ETFBKMT: variants seen among roughly 807,000 people sequenced by gnomAD.
The protein encoded by ETFBKMT is electron transfer flavoprotein subunit beta lysine methyltransferase, also known as electron transfer flavoprotein beta subunit lysine methyltransferase.
ETFBKMT carries 13 observed loss-of-function variants against 18.3 expected under a neutral mutation model. The observed-to-expected ratio is 0.71, with a 90% confidence interval of 0.46 to 1.13. The LOEUF (loss-of-function observed/expected upper bound fraction) is 1.13. ETFBKMT is among the 50% of genes most tolerant of loss of function. ETFBKMT has a pLI of 0.00. For missense variants in ETFBKMT, 293 were observed against 306.2 expected (o/e 0.96, Z 0.32); for synonymous variants, 84 against 107.9 (o/e 0.78, Z 1.37).
Position 31,666,099 on chromosome 12 carries a change from T to C in ETFBKMT, c.327T>C (p.Asp109=). Residue 109 remains aspartate, a synonymous_variant, in exon 3 of 4, where the codon GAT becomes GAC. Coordinates refer to ENST00000357721, the MANE Select transcript of ETFBKMT (RefSeq NM_001135863.2). ...CTTTTTAATTTAGGTATCTTTTGGA[T>C]AATCCTGATGTTGTCAGAGGAAAAT... ...GGQALSRYLL[D]NPDVVRGKSV... 6.2e-7 allele frequency: 1 copy of C among 1,612,050 alleles called. No individual in the cohort carries two copies. Among genetic ancestry groups the C allele is most frequent in the Non-Finnish European group, 8.5e-7 (1 of 1,179,250 alleles).
At chr12:31,651,307 C>CT (rs71062448) in intron 1 of ETFBKMT, among the ~76,000 whole-genome samples, 93,479 of 144,576 alleles carry the variant, frequency 0.65, 31,730 homozygotes, top group Non-Finnish European at 0.77. Context: ...GATGCCTTCC[C>CT]TTTTTTTTTT....
rs1373560793 is a variant in ETFBKMT, at chr12:31,671,916, T to G, written c.*3926T>G. The G allele has an allele frequency of 6.4e-6, 1 of 156,756 alleles. No homozygotes were observed. Among genetic ancestry groups the G allele is most frequent in the Non-Finnish European group, 1.4e-5 (1 of 71,070 alleles). The allele number at this position is 156,756 out of a possible 1,614,324, so 9.7% of individuals were successfully genotyped here. A position where few individuals can be genotyped will look rare whatever the true frequency, so the allele number is the denominator to read the frequency against. On this transcript the variant is annotated 3_prime_UTR_variant, in exon 4 of 4. Transcript: ENST00000357721. ...TTTAGAAATATGTTTACTTAGATTC[T>G]CCCAAGGTTTATACTTACAGGTAAA...
Position 31,670,164 on chromosome 12 carries a change from T to A in ETFBKMT, c.*2174T>A, listed in dbSNP as rs1371382804. On this transcript the variant is annotated 3_prime_UTR_variant, in exon 4 of 4. Transcript: ENST00000357721. ...ACTGTGCCAGGCTGGAGCTTTTGAT[T>A]CTTAAGTCCATCCACATGGAGCCTC... is the stretch of plus-strand genomic sequence containing the variant. 1.3e-5 allele frequency: 2 copies of A among 152,222 alleles called. No individual in the cohort carries two copies. The highest frequency in any genetic ancestry group is 2.9e-5 in the Non-Finnish European group (2 of 68,088). The allele number at this position is 152,222 out of a possible 1,614,324, so 9.4% of individuals were successfully genotyped here.
chr12:31,656,390 G>A (rs1269417313), upstream of ETFBKMT, among the ~76,000 whole-genome samples: 1 of 152,258 alleles, frequency 6.6e-6, no homozygotes, highest in Middle Eastern at 3.4e-3. Flanking sequence ...CAGCAGAGAG[G>A]GGAGAAGAGG....
chr12:31,672,476 T>C lies in ETFBKMT; in HGVS notation c.*4486T>C. ...GGTGATGTTAATTATTATACAGTTA[T>C]TTAAAGGATTAAAGGAGGTGATCTA... On this transcript the variant is annotated 3_prime_UTR_variant, in exon 4 of 4. Coordinates refer to ENST00000357721, the MANE Select transcript of ETFBKMT (RefSeq NM_001135863.2). The C allele has an allele frequency of 1.2e-6, 1 of 856,902 alleles. No homozygotes were observed. Among genetic ancestry groups the C allele is most frequent in the South Asian group, 1.5e-5 (1 of 68,092 alleles). The allele number at this position is 856,902 out of a possible 1,614,324, so 53.1% of individuals were successfully genotyped here. A position where few individuals can be genotyped will look rare whatever the true frequency, so the allele number is the denominator to read the frequency against.
chr12:31,666,858 C>T (rs142951421), intron 3 of ETFBKMT, among the ~76,000 whole-genome samples: 2,736 of 151,564 alleles, frequency 0.018, 73 homozygotes, highest in African/African-American at 0.062. Flanking sequence ...GGGGTTTCAC[C>T]GTGTTATTCA....
chr12:31,662,239 T>C lies in ETFBKMT; in HGVS notation c.286T>C (p.Tyr96His), dbSNP rs776402737. The change falls in exon 2 of 4, where the codon TAC (tyrosine) becomes CAC (histidine). Residue 96 changes from tyrosine (Y) to histidine (H), a missense_variant. Physicochemically the swap from Tyr to His is moderately conservative, Grantham distance 83. Transcript: ENST00000357721. ...WPHSDPYWAI[Y>H]WPGGQALSRY... is the part of the protein sequence containing the mutation. ...CCACAGTGATCCTTACTGGGCAATC[T>C]ACTGGCCAGGAGGCCAAGCCCTGTC... The C allele has an allele frequency of 3.7e-6, 6 of 1,614,096 alleles. No homozygotes were observed. The highest frequency in any genetic ancestry group is 2.5e-6 in the Non-Finnish European group (3 of 1,180,044).
At chr12:31,648,654 C>T (rs1186557454) in intron 1 of ETFBKMT, among the ~76,000 whole-genome samples, 3 of 151,424 alleles carry the variant, frequency 2.0e-5, no homozygotes, top group Non-Finnish European at 2.9e-5. Flanking sequence ...CTCTGCCTCC[C>T]GGGTTCTAGC....
upstream of ETFBKMT, among the ~76,000 whole-genome samples, chr12:31,657,791 CAAAAAAAAA>C (rs777612236): frequency 1.9e-3 from 89 of 46,326 alleles, 1 homozygote; most frequent in African/African-American, 7.6e-3. Flanking sequence ...GACTTCATCT[CAAAAAAAAA>C]AAAAAAAAAA....
chr12:31,666,327 G>A, intron 3 of ETFBKMT, 110 bp downstream of exon 3: 2 of 1,191,692 alleles, frequency 1.7e-6, no homozygotes, highest in East Asian at 4.9e-5. Context: ...TTTTGTGATT[G>A]GACATTGTGA....
At chr12:31,667,565 G>T in intron 3 of ETFBKMT, 82 bp from the exon 4 acceptor site, 2 of 1,041,922 alleles carry the variant, frequency 1.9e-6, no homozygotes, top group Non-Finnish European at 2.8e-6. Flanking sequence ...ATTGTTAGCA[G>T]ATCTTCTAAA....
Position 31,671,588 on chromosome 12 carries a change from A to ATATTCTG in ETFBKMT, c.*3603_*3609dup, listed in dbSNP as rs1327401191. ...CCTGAGGATACAAGTCTCTGTAGTG[A>ATATTCTG]TATTCTGTATTTACTCATTTTTACA... On this transcript the variant is annotated 3_prime_UTR_variant, in exon 4 of 4. Transcript: ENST00000357721. 2 of 152,174 alleles carry ATATTCTG rather than the reference A, an allele frequency of 1.3e-5. No individual in the cohort carries two copies. The highest frequency in any genetic ancestry group is 1.3e-4 in the Admixed American group (2 of 15,282). 9.4% of individuals were successfully genotyped at this position (152,174 alleles called of 1,614,324 possible). A position where few individuals can be genotyped will look rare whatever the true frequency, so the allele number is the denominator to read the frequency against.
chr12:31,658,002 A>ATT (rs1951076767), upstream of ETFBKMT, among the ~76,000 whole-genome samples: 2 of 152,166 alleles, frequency 1.3e-5, no homozygotes, highest in Non-Finnish European at 2.9e-5. Context: ...TGAGTTATCC[A>ATT]AACATTATTA....
chr12:31,668,865 T>C lies in ETFBKMT; in HGVS notation c.*875T>C, dbSNP rs1565753372. 1 of 152,182 alleles carries C rather than the reference T, an allele frequency of 6.6e-6. No homozygotes were observed. The highest frequency in any genetic ancestry group is 1.5e-5 in the Non-Finnish European group (1 of 68,032). 9.4% of individuals were successfully genotyped at this position (152,182 alleles called of 1,614,324 possible). A position where few individuals can be genotyped will look rare whatever the true frequency, so the allele number is the denominator to read the frequency against. On this transcript the variant is annotated 3_prime_UTR_variant, in exon 4 of 4. Transcript: ENST00000357721. ...CTTCTATCTCTGCTTACGTCACCCA[T>C]CATTCTTGCGTGTTGTATGCTTTTC...
chr12:31,653,282 G>GT (rs1951033123), intron 1 of ETFBKMT, among the ~76,000 whole-genome samples: 1 of 151,624 alleles, frequency 6.6e-6, no homozygotes, highest in Non-Finnish European at 1.5e-5. Flanking sequence ...ATACATAACT[G>GT]TTTAAGTTTC....
intron 1 of ETFBKMT, among the ~76,000 whole-genome samples, chr12:31,661,474 A>C (rs1231722486): frequency 1.3e-5 from 2 of 151,466 alleles, no homozygotes; most frequent in East Asian, 1.9e-4. Flanking sequence ...GTAATATTTT[A>C]TTTCTTTTTT....
At chr12:31,650,094 A>G (rs73301902) in intron 1 of ETFBKMT, among the ~76,000 whole-genome samples, 1,927 of 57,124 alleles carry the variant, frequency 0.034, 53 homozygotes, top group African/African-American at 0.11. Flanking sequence ...CATCTCGAAT[A>G]GGGGCTGGTT....
intron 1 of ETFBKMT, among the ~76,000 whole-genome samples, chr12:31,648,808 A>T (rs571598315): frequency 6.6e-6 from 1 of 151,738 alleles, no homozygotes; most frequent in African/African-American, 2.4e-5. Flanking sequence ...TGATCTGCCC[A>T]CCTTGGCCTC....
intron 3 of ETFBKMT, among the ~76,000 whole-genome samples, chr12:31,666,844 A>G (rs1951202028): frequency 6.7e-6 from 1 of 149,074 alleles, no homozygotes; most frequent in African/African-American, 2.5e-5. Context: ...TTTTTAGTAG[A>G]GATGGGGTTT....
Sources: allele counts gnomAD v4.1 joint callset (sites outside exome capture counted in the v4.1 genomes callset), GRCh38; gene constraint gnomAD v4.1.1; transcripts MANE v1.5; gene names NCBI Gene and HGNC (gene_info 2026-07-23, HGNC 2026-07-21).